ZMAT4: variants seen among roughly 807,000 people sequenced by gnomAD.
ZMAT4 encodes zinc finger matrin-type protein 4.
Under a neutral mutation model 28.7 loss-of-function variants are expected in ZMAT4, and 17 were observed. The observed-to-expected ratio is 0.59, with a 90% confidence interval of 0.41 to 0.89. The LOEUF is 0.89. Among genes scored for constraint, ZMAT4 ranks in the 40% least tolerant of loss-of-function variants. The pLI, the probability that ZMAT4 is intolerant of heterozygous loss-of-function variation, is 0.00. For synonymous variants in ZMAT4, 117 were observed against 109.2 expected (o/e 1.07, Z -0.44); for missense variants, 240 against 283.8 (o/e 0.85, Z 1.11).
intron 6 of ZMAT4, among the ~76,000 whole-genome samples, chr8:40,574,943 T>A (rs560252162): frequency 6.6e-6 from 1 of 152,118 alleles, no homozygotes; most frequent in Non-Finnish European, 1.5e-5. Flanking sequence ...AACCCCATGA[T>A]CTAAGCTGCT....
chr8:40,801,349 A>ATAT (rs1334146524), intron 2 of ZMAT4, among the ~76,000 whole-genome samples: 14 of 48,762 alleles, frequency 2.9e-4, no homozygotes, highest in Non-Finnish European at 3.9e-4. Flanking sequence ...TTTAAAAAAA[A>ATAT]AAATATATAT....
rs911357684 is a variant in ZMAT4 at position 40,612,436 on chromosome 8, C to T, written c.578-31175G>A. On this transcript the variant is annotated intron_variant, in intron 5 of 6. Coordinates refer to ENST00000297737, the MANE Select transcript of ZMAT4 (RefSeq NM_024645.3). Reference sequence around the variant, plus strand: ...AACCCATCCAAATTTCCTTTATGGACCCTGGCTTCCCATGCACACACAGTA... The same window carrying T: ...AACCCATCCAAATTTCCTTTATGGATCCTGGCTTCCCATGCACACACAGTA... Among the ~76,000 whole-genome samples the T allele has an allele frequency of 2.2e-5, 3 of 137,856 alleles. 1 individual carries two copies. The highest frequency in any genetic ancestry group is 7.5e-5 in the African/African-American group (3 of 40,210). 90.4% of individuals were successfully genotyped at this position (137,856 alleles called of 152,430 possible).
At chr8:40,891,698 G>T (rs1178411589) in intron 1 of ZMAT4, among the ~76,000 whole-genome samples, 10 of 152,114 alleles carry the variant, frequency 6.6e-5, no homozygotes, top group African/African-American at 2.2e-4. Flanking sequence ...AGATCCCCTA[G>T]TGCCTACCTC....
intron 1 of ZMAT4, among the ~76,000 whole-genome samples, chr8:40,836,343 G>A (rs1396670333): frequency 6.6e-6 from 1 of 152,090 alleles, no homozygotes; most frequent in Non-Finnish European, 1.5e-5. Flanking sequence ...TTTCACAGGA[G>A]GATAAGCTGA....
intron 2 of ZMAT4, among the ~76,000 whole-genome samples, chr8:40,772,083 A>T (rs1398884358): frequency 6.6e-6 from 1 of 152,220 alleles, no homozygotes; most frequent in East Asian, 1.9e-4. Flanking sequence ...ATCTCTTCCA[A>T]TTACACTGAG....
At chr8:40,600,778 A>G (rs576245166) in intron 5 of ZMAT4, among the ~76,000 whole-genome samples, 97 of 152,200 alleles carry the variant, frequency 6.4e-4, no homozygotes, top group Non-Finnish European at 2.6e-4. Flanking sequence ...AGAAGCACTC[A>G]TTTCCTCATG....
intron 1 of ZMAT4, among the ~76,000 whole-genome samples, chr8:40,854,372 C>T (rs142251572): frequency 1.3e-3 from 196 of 152,286 alleles, no homozygotes; most frequent in African/African-American, 4.5e-3. Flanking sequence ...GCTAGGACAG[C>T]TCAAAGGAAA....
At chr8:40,774,664 T>C (rs915353365) in intron 2 of ZMAT4, among the ~76,000 whole-genome samples, 1 of 133,830 alleles carries the variant, frequency 7.5e-6, no homozygotes, top group Non-Finnish European at 1.6e-5. Flanking sequence ...AGCATAATGA[T>C]AATATTCAAT....
At chr8:40,706,361 A>T (rs1435703618) in intron 3 of ZMAT4, among the ~76,000 whole-genome samples, 1 of 152,206 alleles carries the variant, frequency 6.6e-6, no homozygotes, top group East Asian at 1.9e-4. Context: ...GCCAGAACTA[A>T]TTATTAAATA....
chr8:40,755,516 G>T (rs544597639), intron 3 of ZMAT4, among the ~76,000 whole-genome samples: 1 of 152,082 alleles, frequency 6.6e-6, no homozygotes, highest in Non-Finnish European at 1.5e-5. Context: ...GCAATGGCCC[G>T]ATCTCGGCTC....
chr8:40,694,643 A>T (rs1397142749), intron 4 of ZMAT4, among the ~76,000 whole-genome samples: 1 of 151,842 alleles, frequency 6.6e-6, no homozygotes. Flanking sequence ...TGCTGTTGGG[A>T]CTCAAAACAA....
chr8:40,866,750 G>A (rs1472433944), intron 1 of ZMAT4, among the ~76,000 whole-genome samples: 3 of 152,178 alleles, frequency 2.0e-5, no homozygotes, highest in Non-Finnish European at 4.4e-5. Flanking sequence ...GGGAGTCCTC[G>A]AGTAAGAAAT....
At chr8:40,533,002 T>C in intron 6 of ZMAT4, among the ~76,000 whole-genome samples, 1 of 152,082 alleles carries the variant, frequency 6.6e-6, no homozygotes, top group Non-Finnish European at 1.5e-5. Flanking sequence ...AAAAAATTCT[T>C]TCTGGCCTTA....
intron 3 of ZMAT4, among the ~76,000 whole-genome samples, chr8:40,702,061 C>A (rs1810173125): frequency 6.6e-6 from 1 of 152,106 alleles, no homozygotes; most frequent in South Asian, 2.1e-4. Flanking sequence ...AAGTTCAACC[C>A]TCACTTGCTT....
At chr8:40,564,074 A>G (rs1026290748) in intron 6 of ZMAT4, among the ~76,000 whole-genome samples, 7 of 152,150 alleles carry the variant, frequency 4.6e-5, no homozygotes, top group African/African-American at 1.7e-4. Context: ...TGATCATGAA[A>G]TTACTTATTT....
intron 5 of ZMAT4, among the ~76,000 whole-genome samples, chr8:40,613,672 C>T (rs1805887378): frequency 6.6e-6 from 1 of 152,172 alleles, no homozygotes; most frequent in South Asian, 2.1e-4. Flanking sequence ...CCTTAGCTAG[C>T]CTGCTTCATG....
chr8:40,881,435 G>GAAAGAAAGAGAGAAAGAAAT (rs1818222772), intron 1 of ZMAT4, among the ~76,000 whole-genome samples: 2 of 49,286 alleles, frequency 4.1e-5, no homozygotes, highest in African/African-American at 1.2e-4. Context: ...AAGAAAGAGA[G>GAAAGAAAGAGAGAAAGAAAT]AAAGAAAGAA....
At chr8:40,547,980 G>C (rs1273355783) in intron 6 of ZMAT4, among the ~76,000 whole-genome samples, 1 of 152,158 alleles carries the variant, frequency 6.6e-6, no homozygotes, top group Non-Finnish European at 1.5e-5. Flanking sequence ...ACTGGGAAAT[G>C]ACCATTTGGC....
At chr8:40,539,112 T>C (rs1344713835) in intron 6 of ZMAT4, among the ~76,000 whole-genome samples, 1 of 152,212 alleles carries the variant, frequency 6.6e-6, no homozygotes, top group Non-Finnish European at 1.5e-5. Flanking sequence ...AGTGCTTTTC[T>C]TTATTGTTTC....
Sources: allele counts gnomAD v4.1 joint callset (sites outside exome capture counted in the v4.1 genomes callset), GRCh38; gene constraint gnomAD v4.1.1; transcripts MANE v1.5; gene names NCBI Gene and HGNC (gene_info 2026-07-23, HGNC 2026-07-21).